Variants in CAMTA1 observed in about 807,000 individuals in gnomAD.
The protein encoded by CAMTA1 is calmodulin binding transcription activator 1, also known as calmodulin-binding transcription activator 1.
In CAMTA1, 27 loss-of-function variants were observed where a neutral mutation model predicts 170.9. The observed-to-expected ratio is 0.16, with a 90% CI of 0.12 to 0.22. The LOEUF (loss-of-function observed/expected upper bound fraction) is 0.22. Ranked by LOEUF, CAMTA1 falls within the 10% of genes least tolerant of loss-of-function variation. The pLI is 1.00. For missense variants in CAMTA1, 1,619 were observed against 2,217.2 expected, an observed-to-expected ratio of 0.73 and a Z score of 5.42; for synonymous variants, 833 against 891.5, an observed-to-expected ratio of 0.93 and a Z score of 1.17.
chr1:7,627,758 C>A (rs1046907299), intron 6 of CAMTA1, among the ~76,000 whole-genome samples: 5 of 152,174 alleles, frequency 3.3e-5, no homozygotes, highest in Non-Finnish European at 7.3e-5. Flanking sequence ...GTTTTAGATT[C>A]TTTATGTGTA....
chr1:7,393,490 C>G lies in CAMTA1; in HGVS notation c.439-74340C>G, dbSNP rs193251998. Reference sequence around the variant, plus strand: ...ATAGGGTCTCCCTATGTTGCCCAGGCTGGTCTCCAACTCCTGGGCTAAAGT... The same window carrying G: ...ATAGGGTCTCCCTATGTTGCCCAGGGTGGTCTCCAACTCCTGGGCTAAAGT... On this transcript the variant is annotated intron_variant, in intron 5 of 22. Coordinates refer to ENST00000303635, the MANE Select transcript of CAMTA1 (RefSeq NM_015215.4). Among the ~76,000 whole-genome samples the G allele has an allele frequency of 1.7e-4, 26 of 152,220 alleles. No homozygotes were observed. The East Asian group carries it at 5.0e-3, about 29-fold the overall frequency.
intron 22 of CAMTA1, among the ~76,000 whole-genome samples, chr1:7,763,042 T>C (rs373988384): frequency 2.6e-4 from 40 of 152,308 alleles, no homozygotes; most frequent in African/African-American, 7.9e-4. Flanking sequence ...AAACTATAGG[T>C]TTGGAAGTCA....
intron 6 of CAMTA1, among the ~76,000 whole-genome samples, chr1:7,488,831 C>T (rs1168560000): frequency 6.6e-6 from 1 of 152,152 alleles, no homozygotes; most frequent in Non-Finnish European, 1.5e-5. Context: ...TAACATCACA[C>T]ACATATGCAC....
chr1:7,373,009 C>T (rs1258768513), intron 5 of CAMTA1, among the ~76,000 whole-genome samples: 2 of 152,242 alleles, frequency 1.3e-5, no homozygotes, highest in African/African-American at 2.4e-5. Flanking sequence ...ACCGTAGAAG[C>T]TCCACAGGTT....
chr1:6,991,973 AT>A (rs1696456069), intron 3 of CAMTA1, among the ~76,000 whole-genome samples: 1 of 152,156 alleles, frequency 6.6e-6, no homozygotes, highest in African/African-American at 2.4e-5. Flanking sequence ...AAGTGCTGGG[AT>A]TACAGGCGTG....
chr1:7,521,738 G>A (rs778701606), intron 6 of CAMTA1, among the ~76,000 whole-genome samples: 6 of 152,082 alleles, frequency 3.9e-5, no homozygotes, highest in Non-Finnish European at 7.4e-5. Flanking sequence ...TAGTAGAGAC[G>A]GAGTTTCACC....
intron 5 of CAMTA1, among the ~76,000 whole-genome samples, chr1:7,345,266 T>C (rs562079010): frequency 1.3e-5 from 2 of 152,378 alleles, no homozygotes; most frequent in African/African-American, 4.8e-5. Flanking sequence ...CAGTTAGCAC[T>C]TCTTAGTCTT....
intron 6 of CAMTA1, among the ~76,000 whole-genome samples, chr1:7,553,637 G>A (rs1326486408): frequency 1.3e-5 from 2 of 152,220 alleles, no homozygotes; most frequent in Non-Finnish European, 2.9e-5. Context: ...TGGGGGTGCT[G>A]AAAGGTGCTG....
chr1:7,148,516 C>T (rs1006476011), intron 4 of CAMTA1, among the ~76,000 whole-genome samples: 2 of 152,198 alleles, frequency 1.3e-5, no homozygotes, highest in Admixed American at 6.5e-5. Flanking sequence ...TCTGAATCCC[C>T]ATCCTGCTGA....
intron 11 of CAMTA1, among the ~76,000 whole-genome samples, chr1:7,695,481 A>T (rs1359393934): frequency 2.0e-5 from 3 of 152,174 alleles, no homozygotes; most frequent in Non-Finnish European, 4.4e-5. Context: ...TGAAAGTGAG[A>T]TTAGACCAGG....
chr1:6,992,822 C>G (rs969837447), intron 3 of CAMTA1, among the ~76,000 whole-genome samples: 26 of 152,220 alleles, frequency 1.7e-4, no homozygotes, highest in African/African-American at 5.8e-4. Flanking sequence ...GCCCCTCCTG[C>G]AACACTGGGG....
At chr1:6,896,427 T>G (rs1450978210) in intron 3 of CAMTA1, among the ~76,000 whole-genome samples, 2 of 152,188 alleles carry the variant, frequency 1.3e-5, no homozygotes, top group Non-Finnish European at 2.9e-5. Context: ...CGGAGCCAGA[T>G]AGCATTTTCT....
chr1:7,644,421 T>C lies in CAMTA1; in HGVS notation c.664+3868T>C, dbSNP rs1484007439. Among the ~76,000 whole-genome samples, 4 of 152,336 alleles carry C rather than the reference T, an allele frequency of 2.6e-5. No homozygotes were observed. The East Asian group carries it at 7.7e-4, about 29-fold the overall frequency. On this transcript the variant is annotated intron_variant, in intron 7 of 22. Transcript: ENST00000303635. Reference sequence around the variant, plus strand: ...TCTGTAATCATGAGACTATGGGTCCTGCTGCTATGAGGAAGACCAAAATAA... The same window carrying C: ...TCTGTAATCATGAGACTATGGGTCCCGCTGCTATGAGGAAGACCAAAATAA...
chr1:6,862,226 G>A (rs1031914645), intron 3 of CAMTA1, among the ~76,000 whole-genome samples: 4 of 152,188 alleles, frequency 2.6e-5, no homozygotes, highest in Non-Finnish European at 4.4e-5. Context: ...ACCTGCCTCG[G>A]CCTCCCAAAG....
chr1:7,730,908 A>ATCTCTCTC (rs34139853), intron 11 of CAMTA1, among the ~76,000 whole-genome samples: 95 of 144,072 alleles, frequency 6.6e-4, no homozygotes, highest in Middle Eastern at 7.2e-3. Context: ...CAAAGTCTCA[A>ATCTCTCTC]TCTCTCTCTC....
chr1:7,645,657 C>T (rs1284217841), intron 7 of CAMTA1, among the ~76,000 whole-genome samples: 2 of 152,234 alleles, frequency 1.3e-5, no homozygotes, highest in Non-Finnish European at 2.9e-5. Flanking sequence ...CCAGCCGCCT[C>T]GGGGTTTAGC....
rs1454005627 is a variant in CAMTA1, at chr1:7,007,473, C to T, written c.235-83831C>T. On this transcript the variant is annotated intron_variant, in intron 3 of 22. Coordinates refer to ENST00000303635, the MANE Select transcript of CAMTA1 (RefSeq NM_015215.4). This position sits in a 1 kb window ranked among gnomAD's most constrained non-coding sequence, Gnocchi z 4.5. ...CCAGGTCCTTCCCTCGCCTCGAGAA[C>T]CCCAAGCGAATTCCCACTTCCCACA... Among the ~76,000 whole-genome samples the T allele has an allele frequency of 6.6e-6, 1 of 152,162 alleles. No individual in the cohort carries two copies. The highest frequency in any genetic ancestry group is 6.5e-5 in the Admixed American group (1 of 15,280).
Position 7,117,728 on chromosome 1 carries a change from A to G in CAMTA1, c.302+26357A>G, listed in dbSNP as rs72641207. 7.9e-3 allele frequency among the ~76,000 whole-genome samples: 1,202 copies of G among 152,250 alleles called. 8 individuals carry two copies. The highest frequency in any genetic ancestry group is 0.011 in the Non-Finnish European group (725 of 68,018). On this transcript the variant is annotated intron_variant, in intron 4 of 22. Transcript: ENST00000303635. Reference sequence around the variant, plus strand: ...TTAAAGACCAGTTAAGGGAGTGTCTAAAAATCAGCATATCTCAGCCATAAT... The same window carrying G: ...TTAAAGACCAGTTAAGGGAGTGTCTGAAAATCAGCATATCTCAGCCATAAT...
At chr1:6,908,341 G>A (rs1678993738) in intron 3 of CAMTA1, among the ~76,000 whole-genome samples, 1 of 152,208 alleles carries the variant, frequency 6.6e-6, no homozygotes, top group South Asian at 2.1e-4. Flanking sequence ...TTCTTGCCTT[G>A]TTTCTCCACC....
Sources: gnomAD v4.1 joint callset for allele counts (sites outside exome capture counted in the v4.1 genomes callset) on GRCh38, gnomAD v4.1.1 for gene constraint, Gnocchi (gnomAD v3.1) non-coding constraint, MANE v1.5 for transcripts, NCBI Gene and HGNC (gene_info 2026-07-23, HGNC 2026-07-21) for gene names.